Variants in DLGAP2 observed in about 807,000 individuals in gnomAD.
DLGAP2 encodes disks large-associated protein 2.
A neutral mutation model predicts 100.3 loss-of-function variants in DLGAP2; 26 were observed. That is an observed-to-expected ratio of 0.26 (90% CI 0.19 to 0.36). DLGAP2 has a LOEUF of 0.36. Ranked by LOEUF, DLGAP2 falls within the 10% of genes least tolerant of loss-of-function variation. The pLI is 1.00. For missense variants in DLGAP2, 1,858 were observed against 1,453.2 expected (o/e 1.28, Z -4.53); for synonymous variants, 886 against 630.1 (o/e 1.41, Z -6.08).
intron 2 of DLGAP2, among the ~76,000 whole-genome samples, chr8:1,054,486 G>A (rs1356065369): frequency 2.0e-5 from 3 of 152,114 alleles, no homozygotes; most frequent in Admixed American, 6.5e-5. Flanking sequence ...TTTTACATAA[G>A]TGCTGTCATT....
rs144511931 is a variant in DLGAP2 at position 1,469,679 on chromosome 8, C to T, written c.107-31687C>T. The stretch of plus-strand genomic sequence containing the variant: ...ATGATTCTCACGTCAGAAGCACCTG[C>T]TCTGCACGTGCCTGAGAATTCTTTT... On this transcript the variant is annotated intron_variant, in intron 3 of 14. Transcript: ENST00000637795. 5.1e-4 allele frequency among the ~76,000 whole-genome samples: 77 copies of T among 152,348 alleles called. No homozygotes were observed. In the East Asian group the frequency reaches 0.013, roughly 26 times the overall value.
chr8:884,014 C>G (rs950656194), intron 1 of DLGAP2, among the ~76,000 whole-genome samples: 1 of 152,172 alleles, frequency 6.6e-6, no homozygotes, highest in Non-Finnish European at 1.5e-5. Context: ...TGTATATGTA[C>G]CACATTTTCT....
At chr8:1,438,930 G>A (rs1293739035) in intron 3 of DLGAP2, among the ~76,000 whole-genome samples, 1 of 152,126 alleles carries the variant, frequency 6.6e-6, no homozygotes, top group African/African-American at 2.4e-5. Context: ...GTTCACAATT[G>A]TGAAGCATGA....
rs565292624 is a variant in DLGAP2, at chr8:1,031,118, C to T, written c.73+123152C>T. The stretch of plus-strand genomic sequence containing the variant: ...AGCTTCTCAGCAGGTGCTGGTATTG[C>T]GTCTTACGAGTTCCACTTTCCAATT... On this transcript the variant is annotated intron_variant, in intron 2 of 14. Coordinates refer to ENST00000637795, the MANE Select transcript of DLGAP2 (RefSeq NM_001346810.2). Among the ~76,000 whole-genome samples the T allele has an allele frequency of 4.0e-3, 616 of 152,328 alleles. 1 individual carries two copies. The highest frequency in any genetic ancestry group is 6.2e-3 in the Non-Finnish European group (423 of 68,028).
chr8:946,269 GTT>G (rs767524745), intron 2 of DLGAP2, among the ~76,000 whole-genome samples: 8 of 140,150 alleles, frequency 5.7e-5, no homozygotes, highest in African/African-American at 1.6e-4. Flanking sequence ...TGTTTCTTAG[GTT>G]TTTTTTTTTT....
intron 2 of DLGAP2, among the ~76,000 whole-genome samples, chr8:1,191,159 A>G (rs959213842): frequency 6.7e-6 from 1 of 149,540 alleles, no homozygotes; most frequent in East Asian, 1.9e-4. Flanking sequence ...AAGTGTTTCA[A>G]TATAAGTAGA....
At chr8:911,787 G>T (rs1563091833) in intron 2 of DLGAP2, among the ~76,000 whole-genome samples, 1 of 152,086 alleles carries the variant, frequency 6.6e-6, no homozygotes, top group Non-Finnish European at 1.5e-5. Context: ...GGAAGGATAT[G>T]TGTATAATGT....
At chr8:1,687,424 G>T (rs1469046380) in intron 12 of DLGAP2, among the ~76,000 whole-genome samples, 5 of 152,160 alleles carry the variant, frequency 3.3e-5, no homozygotes, top group Admixed American at 2.0e-4. Context: ...CAAAATTAGA[G>T]ACATATACTG....
At chr8:1,452,898 C>G (rs1489982580) in intron 3 of DLGAP2, among the ~76,000 whole-genome samples, 4 of 152,128 alleles carry the variant, frequency 2.6e-5, no homozygotes, top group Admixed American at 2.6e-4. Context: ...GTGGCCAGGT[C>G]TATTACGAAG....
At chr8:1,136,647 G>A (rs568504295) in intron 2 of DLGAP2, among the ~76,000 whole-genome samples, 4 of 152,320 alleles carry the variant, frequency 2.6e-5, no homozygotes, top group South Asian at 2.1e-4. Flanking sequence ...CAGTAAAAAC[G>A]TCTTTCTCTA....
At chr8:1,501,210 C>G (rs1421395826) in intron 3 of DLGAP2, among the ~76,000 whole-genome samples, 156 bp from the exon 4 acceptor site, 1 of 152,122 alleles carries the variant, frequency 6.6e-6, no homozygotes, top group Non-Finnish European at 1.5e-5. Context: ...GTTATTGGCA[C>G]AAAATGCTGG....
At chr8:1,530,549 A>G (rs1421787905) in intron 4 of DLGAP2, among the ~76,000 whole-genome samples, 1 of 152,316 alleles carries the variant, frequency 6.6e-6, no homozygotes, top group East Asian at 1.9e-4. Flanking sequence ...TGACAGGATT[A>G]AGAGATTAAA....
chr8:1,530,898 A>G (rs934950974), intron 4 of DLGAP2, among the ~76,000 whole-genome samples: 1 of 152,218 alleles, frequency 6.6e-6, no homozygotes, highest in Non-Finnish European at 1.5e-5. Context: ...ATGTGTGAAT[A>G]TCAGCCAGTG....
chr8:1,130,024 C>T (rs1022577655), intron 2 of DLGAP2, among the ~76,000 whole-genome samples: 13 of 152,126 alleles, frequency 8.5e-5, no homozygotes, highest in Admixed American at 6.5e-5. Flanking sequence ...GTGTAGCTCA[C>T]GTCGGGCACT....
Position 1,122,503 on chromosome 8 carries a change from A to G in DLGAP2, c.74-136348A>G, listed in dbSNP as rs554536831. 1.9e-4 allele frequency among the ~76,000 whole-genome samples: 29 copies of G among 152,334 alleles called. No individual in the cohort carries two copies. The South Asian group carries it at 5.8e-3, about 30-fold the overall frequency. ...CATTTTTGATCCCACAATAGGTTGA[A>G]TCGCATTTAAGAAAATCCTTTTTCT... On this transcript the variant is annotated intron_variant, in intron 2 of 14. Transcript: ENST00000637795.
At chr8:1,114,103 A>G (rs910134336) in intron 2 of DLGAP2, among the ~76,000 whole-genome samples, 1 of 152,038 alleles carries the variant, frequency 6.6e-6, no homozygotes, top group Non-Finnish European at 1.5e-5. Flanking sequence ...GTTTGCAAGA[A>G]TTTTGCTGAG....
intron 2 of DLGAP2, among the ~76,000 whole-genome samples, chr8:1,025,297 C>A (rs1482903029): frequency 6.6e-6 from 1 of 152,174 alleles, no homozygotes; most frequent in East Asian, 1.9e-4. Flanking sequence ...GATCCTGAAT[C>A]CAAACTTCAT....
At chr8:920,648 G>A (rs138303811) in intron 2 of DLGAP2, among the ~76,000 whole-genome samples, 1 of 152,116 alleles carries the variant, frequency 6.6e-6, no homozygotes. Flanking sequence ...CTACTCAGGA[G>A]GCTGAGGTAC....
At chr8:1,191,935 A>G (rs1183173959) in intron 2 of DLGAP2, among the ~76,000 whole-genome samples, 3 of 152,176 alleles carry the variant, frequency 2.0e-5, no homozygotes, top group African/African-American at 4.8e-5. Flanking sequence ...AACTACGGCC[A>G]TTGTTTTCTC....
Sources: allele counts gnomAD v4.1 joint callset (sites outside exome capture counted in the v4.1 genomes callset), GRCh38; gene constraint gnomAD v4.1.1; transcripts MANE v1.5; gene names NCBI Gene and HGNC (gene_info 2026-07-23, HGNC 2026-07-21).